Variants in LTBP1 observed in about 807,000 individuals in gnomAD.
LTBP1 encodes latent transforming growth factor beta binding protein 1.
LTBP1 carries 129 observed loss-of-function variants against 207.6 expected under a neutral mutation model. The observed-to-expected ratio is 0.62, with a 90% CI of 0.54 to 0.72. The LOEUF is 0.72. LTBP1 is among the 30% of genes least tolerant of loss of function. The pLI is 0.00. For synonymous variants in LTBP1, 963 were observed against 833.7 expected, an observed-to-expected ratio of 1.16 and a Z score of -2.67; for missense variants, 2,281 against 2,217.2, an observed-to-expected ratio of 1.03 and a Z score of -0.58.
At chr2:33,152,311 A>G (rs969140613) in intron 5 of LTBP1, among the ~76,000 whole-genome samples, 2 of 152,312 alleles carry the variant, frequency 1.3e-5, no homozygotes, top group East Asian at 3.9e-4. Context: ...ACAAACATGA[A>G]AAAGTACTCA....
intron 20 of LTBP1, 127 bp downstream of exon 20, chr2:33,293,409 A>G (rs1473234330): frequency 1.1e-6 from 1 of 890,538 alleles, no homozygotes; most frequent in African/African-American, 1.7e-5. Context: ...TAGAGCACAT[A>G]TTGGTTGGCT....
At chr2:33,266,465 G>A (rs1558914427) in intron 15 of LTBP1, among the ~76,000 whole-genome samples, 1 of 152,196 alleles carries the variant, frequency 6.6e-6, no homozygotes, top group Non-Finnish European at 1.5e-5. Flanking sequence ...ATGGCCTGAA[G>A]CCTGGGGGCC....
At chr2:33,262,514 TC>T (rs2093043117) in intron 13 of LTBP1, among the ~76,000 whole-genome samples, 2 of 151,086 alleles carry the variant, frequency 1.3e-5, no homozygotes, top group African/African-American at 4.9e-5. Context: ...TTTAGGGCTT[TC>T]CATAGTAGCA....
chr2:33,225,831 G>T (rs79663961), intron 9 of LTBP1, among the ~76,000 whole-genome samples: 7,546 of 152,152 alleles, frequency 0.05, 587 homozygotes, highest in African/African-American at 0.17. Context: ...AGAGTATGTG[G>T]TGTTTAACTT....
chr2:33,365,057 A>C (rs892666186), intron 30 of LTBP1, among the ~76,000 whole-genome samples: 31 of 152,184 alleles, frequency 2.0e-4, no homozygotes, highest in Non-Finnish European at 4.4e-4. Context: ...TATGAAGGAC[A>C]AGCAAGATAG....
At chr2:33,072,913 C>G (rs1055717991) in intron 3 of LTBP1, among the ~76,000 whole-genome samples, 1 of 152,152 alleles carries the variant, frequency 6.6e-6, no homozygotes, top group African/African-American at 2.4e-5. Context: ...TCAGAGGGGG[C>G]GAGGATATGT....
chr2:33,009,425 G>A (rs1017821517), intron 2 of LTBP1, among the ~76,000 whole-genome samples: 2 of 152,136 alleles, frequency 1.3e-5, no homozygotes, highest in South Asian at 4.1e-4. Context: ...TTAAGATGAG[G>A]CCATTCCAGA....
chr2:33,004,815 A>ATATATATATATATATATATATATATATAT (rs1558501551), intron 2 of LTBP1, among the ~76,000 whole-genome samples: 1 of 143,628 alleles, frequency 7.0e-6, no homozygotes. Context: ...ATATATATAT[A>ATATATATATATATATATATATATATATAT]AACATAAAAT....
chr2:33,088,414 T>C (rs1439964636), intron 3 of LTBP1, among the ~76,000 whole-genome samples: 10 of 151,926 alleles, frequency 6.6e-5, no homozygotes, highest in African/African-American at 2.2e-4. Context: ...ATCATGCCAC[T>C]GCACTTCAGC....
chr2:33,179,789 C>T (rs983051824), intron 5 of LTBP1, among the ~76,000 whole-genome samples: 13 of 152,058 alleles, frequency 8.5e-5, no homozygotes, highest in African/African-American at 2.9e-4. Flanking sequence ...TGTTTTTCCC[C>T]GGTTCTGTGT....
chr2:33,013,752 C>T (rs1687984514), intron 2 of LTBP1, among the ~76,000 whole-genome samples: 1 of 152,040 alleles, frequency 6.6e-6, no homozygotes, highest in African/African-American at 2.4e-5. Context: ...CAGCTGACCA[C>T]CTATTTTAAA....
At chr2:33,372,919 T>C (rs2095087614) in intron 31 of LTBP1, among the ~76,000 whole-genome samples, 3 of 152,186 alleles carry the variant, frequency 2.0e-5, no homozygotes, top group African/African-American at 7.2e-5. Context: ...AATCACAAGA[T>C]AGAGGGTGCC....
chr2:33,101,741 A>G (rs1296507490), intron 3 of LTBP1, among the ~76,000 whole-genome samples: 2 of 152,120 alleles, frequency 1.3e-5, no homozygotes, highest in African/African-American at 2.4e-5. Context: ...GATGGCTACA[A>G]TTTCTTTTTA....
At chr2:33,080,466 A>G (rs2078329182) in intron 3 of LTBP1, among the ~76,000 whole-genome samples, 1 of 152,146 alleles carries the variant, frequency 6.6e-6, no homozygotes, top group Non-Finnish European at 1.5e-5. Flanking sequence ...TCTTTTTATA[A>G]TATCTGTGTT....
chr2:33,170,087 G>A (rs2085279902), intron 5 of LTBP1, among the ~76,000 whole-genome samples: 1 of 152,210 alleles, frequency 6.6e-6, no homozygotes, highest in African/African-American at 2.4e-5. Context: ...GCAGAAGACG[G>A]GTGATTTCTG....
chr2:33,009,284 G>A (rs1253659898), intron 2 of LTBP1, among the ~76,000 whole-genome samples: 3 of 152,168 alleles, frequency 2.0e-5, no homozygotes, highest in African/African-American at 7.2e-5. Flanking sequence ...GAAAACAGAA[G>A]AGTCACATAT....
At position 33,187,126 on chromosome 2, in the gene LTBP1, G is replaced by T. The variant is rs775586232; in HGVS notation, c.1426+46G>T. On this transcript the variant is annotated intron_variant, in intron 6 of 33. Coordinates refer to ENST00000404816, the MANE Select transcript of LTBP1 (RefSeq NM_206943.4). ...CCATTTGCCAGACCTCTGTTAACCT[G>T]CCAAACCCACATAGAAGTCAAGGAT... The T allele has an allele frequency of 6.5e-6, 10 of 1,544,810 alleles. No individual in the cohort carries two copies. In the South Asian group the frequency reaches 1.0e-4, roughly 16 times the overall value.
intron 8 of LTBP1, 119 bp downstream of exon 8, chr2:33,217,773 A>G (rs1406133404): frequency 4.1e-6 from 3 of 732,004 alleles, no homozygotes; most frequent in African/African-American, 1.8e-5. Flanking sequence ...GAATTCTAGA[A>G]TGTAGTACTA....
At chr2:33,254,018 T>C (rs1484728869) in intron 11 of LTBP1, among the ~76,000 whole-genome samples, 1 of 150,692 alleles carries the variant, frequency 6.6e-6, no homozygotes, top group Non-Finnish European at 1.5e-5. Context: ...GCCTCCCAAG[T>C]AGCTGGGACT....
Sources: allele counts gnomAD v4.1 joint callset (sites outside exome capture counted in the v4.1 genomes callset), GRCh38; gene constraint gnomAD v4.1.1; transcripts MANE v1.5; gene names NCBI Gene and HGNC (gene_info 2026-07-23, HGNC 2026-07-21).